Variants in CPD observed in about 807,000 individuals in gnomAD.
CPD encodes the protein carboxypeptidase D.
In CPD, 69 loss-of-function variants were observed where a neutral mutation model predicts 138.3. That is an observed-to-expected ratio of 0.50 (90% CI 0.41 to 0.61). The LOEUF is 0.61. Ranked by LOEUF, CPD falls within the 20% of genes least tolerant of loss-of-function variation. The pLI is 0.00. For missense variants in CPD, 1,432 were observed against 1,733.3 expected, an observed-to-expected ratio of 0.83 and a Z score of 3.09; for synonymous variants, 651 against 642.1, an observed-to-expected ratio of 1.01 and a Z score of -0.21.
rs544051715 is a variant in CPD, at chr17:30,407,776, CTCT to C, written c.995-13064_995-13062del. 6.2e-4 allele frequency among the ~76,000 whole-genome samples: 95 copies of C among 152,294 alleles called. 1 individual carries two copies. The South Asian group carries it at 9.3e-3, about 15-fold the overall frequency. ...TCCCATTCTGTAGGTTGCCTGTTCA[CTCT>C]GATGGTAGTTTCTTTTGCTGTGCAG... On this transcript the variant is annotated intron_variant, in intron 2 of 20. Coordinates refer to ENST00000225719, the MANE Select transcript of CPD (RefSeq NM_001304.5).
intron 7 of CPD, among the ~76,000 whole-genome samples, chr17:30,430,186 G>T (rs1272429553): frequency 6.6e-6 from 1 of 151,972 alleles, no homozygotes; most frequent in African/African-American, 2.4e-5. Context: ...TTCCAGTGGC[G>T]TTTAGTGCAT....
Position 30,456,278 on chromosome 17 carries a change from G to A in CPD, c.3360G>A (p.Lys1120=). ...VQTVENKETL[K]HLASLYANNH... is the part of the protein sequence containing the mutation. ...TAGTGGAAAATAAAGAGACTCTGAAGCATTTGGCATCTCTTTATGCAAATA... is the reference window on the plus strand; with the variant it reads ...TAGTGGAAAATAAAGAGACTCTGAAACATTTGGCATCTCTTTATGCAAATA... The change falls in exon 16 of 21, where the codon AAG becomes AAA. Residue 1120 remains lysine (K), a synonymous_variant. Transcript: ENST00000225719. 3 of 1,613,898 alleles carry A rather than the reference G, an allele frequency of 1.9e-6. No homozygotes were observed. Among genetic ancestry groups the A allele is most frequent in the African/African-American group, 1.3e-5 (1 of 75,038 alleles).
At position 30,379,700 on chromosome 17, in the gene CPD, C is replaced by T. The variant is rs775633869; in HGVS notation, c.720C>T (p.Ala240=). The change falls in exon 1 of 21, where the codon GCC becomes GCT. Residue 240 remains alanine, a synonymous_variant. Coordinates refer to ENST00000225719, the MANE Select transcript of CPD (RefSeq NM_001304.5). The surrounding 1 kb of genome is among the most constrained non-coding windows in gnomAD (Gnocchi z 7.0). Reference sequence around the variant, plus strand: ...TGGACGAGGTGCCCGAGGTGCGCGCCCTCATCGAGTGGATCCGCAGGAACA... The same window carrying T: ...TGGACGAGGTGCCCGAGGTGCGCGCTCTCATCGAGTGGATCCGCAGGAACA... ...PALDEVPEVR[A]LIEWIRRNKF... is the part of the protein sequence containing the mutation. 9 of 1,507,076 alleles carry T rather than the reference C, an allele frequency of 6.0e-6. No homozygotes were observed. The African/African-American group carries it at 1.0e-4, about 17-fold the overall frequency. The allele number at this position is 1,507,076 out of a possible 1,614,324, so 93.4% of individuals were successfully genotyped here.
intron 5 of CPD, among the ~76,000 whole-genome samples, chr17:30,423,272 G>A (rs1367087021): frequency 6.6e-6 from 1 of 152,114 alleles, no homozygotes; most frequent in African/African-American, 2.4e-5. Flanking sequence ...TCTGCTAATA[G>A]TGTTTTATTT....
chr17:30,426,966 A>G (rs1408016813), intron 6 of CPD, among the ~76,000 whole-genome samples: 1 of 152,090 alleles, frequency 6.6e-6, no homozygotes, highest in Non-Finnish European at 1.5e-5. Flanking sequence ...GGGTCACCTG[A>G]TGTCAGGAGT....
chr17:30,430,948 T>C (rs1486602717), intron 7 of CPD, among the ~76,000 whole-genome samples: 1 of 152,176 alleles, frequency 6.6e-6, no homozygotes, highest in African/African-American at 2.4e-5. Flanking sequence ...TGAACTACTG[T>C]ACGCAGCCCC....
At chr17:30,457,840 T>C (rs1913341114) in intron 17 of CPD, among the ~76,000 whole-genome samples, 1 of 152,084 alleles carries the variant, frequency 6.6e-6, no homozygotes, top group Non-Finnish European at 1.5e-5. Context: ...CAATTATTTT[T>C]AATTCTTTGT....
chr17:30,427,097 G>A (rs916641125), intron 6 of CPD, among the ~76,000 whole-genome samples: 1 of 151,644 alleles, frequency 6.6e-6, no homozygotes, highest in African/African-American at 2.4e-5. Flanking sequence ...TGGGAGAATC[G>A]CTTGAACCCG....
chr17:30,387,374 C>T (rs796527885), intron 2 of CPD, among the ~76,000 whole-genome samples: 5 of 152,232 alleles, frequency 3.3e-5, no homozygotes, highest in Admixed American at 6.5e-5. Context: ...CTGTCTCAGC[C>T]TCCCAAAGTG....
At position 30,443,825 on chromosome 17, in the gene CPD, T is replaced by G. The variant is rs1412140414; in HGVS notation, c.2397T>G (p.Phe799Leu). Residue 799 changes from phenylalanine (F) to leucine (L), a missense_variant, in exon 11 of 21, where the codon TTT (phenylalanine) becomes TTG (leucine). By Grantham distance (22) the Phe-to-Leu change is conservative. Around this residue, in one of 6 missense-constraint regions of CPD, gnomAD observed 297 missense variants for 405.3 expected, o/e 0.73. Transcript: ENST00000225719. ...MKQVHQGVRG[F>L]VLDATDGRGI... Reference sequence around the variant, plus strand: ...AGGTTCATCAGGGCGTCAGAGGATTTGTTCTAGATGCCACAGATGGCAGGG... The same window carrying G: ...AGGTTCATCAGGGCGTCAGAGGATTGGTTCTAGATGCCACAGATGGCAGGG... 1 of 1,612,372 alleles carries G rather than the reference T, an allele frequency of 6.2e-7. No individual in the cohort carries two copies. The highest frequency in any genetic ancestry group is 1.3e-5 in the African/African-American group (1 of 74,884).
At chr17:30,383,675 G>T (rs1911109974) in intron 1 of CPD, among the ~76,000 whole-genome samples, 1 of 151,840 alleles carries the variant, frequency 6.6e-6, no homozygotes. Context: ...GATCTTCTCT[G>T]GGATAATACT....
chr17:30,391,778 A>G (rs1429930397), intron 2 of CPD, among the ~76,000 whole-genome samples: 3 of 152,166 alleles, frequency 2.0e-5, no homozygotes, highest in Non-Finnish European at 2.9e-5. Flanking sequence ...TAGGAGGCTC[A>G]AGTGAGAATG....
intron 2 of CPD, among the ~76,000 whole-genome samples, chr17:30,394,232 A>G (rs1455730538): frequency 6.8e-6 from 1 of 146,256 alleles, no homozygotes; most frequent in African/African-American, 2.6e-5. Context: ...ACTTCTTAGC[A>G]TGGGAGCGAA....
chr17:30,464,822 A>G lies in CPD; in HGVS notation c.*8A>G, dbSNP rs991977527. ...TATTCTAGCAAACATTGAAAAACACATTTTGCATATCTCCCAGCATAAGTA... is the reference window on the plus strand; with the variant it reads ...TATTCTAGCAAACATTGAAAAACACGTTTTGCATATCTCCCAGCATAAGTA... On this transcript the variant is annotated 3_prime_UTR_variant, in exon 21 of 21. Transcript: ENST00000225719. 3 of 1,606,468 alleles carry G rather than the reference A, an allele frequency of 1.9e-6. No individual in the cohort carries two copies. The highest frequency in any genetic ancestry group is 2.6e-6 in the Non-Finnish European group (3 of 1,173,742).
At chr17:30,420,790 G>T in intron 2 of CPD, 51 bp from the exon 3 acceptor site, 1 of 1,509,780 alleles carries the variant, frequency 6.6e-7, no homozygotes, top group Non-Finnish European at 9.1e-7. Flanking sequence ...GTCTTTTGGA[G>T]GGTAGAATTA....
chr17:30,443,515 C>A (rs1356427505), intron 10 of CPD, among the ~76,000 whole-genome samples: 1 of 151,920 alleles, frequency 6.6e-6, no homozygotes, highest in Non-Finnish European at 1.5e-5. Context: ...TTGAAAAGGC[C>A]AGGTCTGTTT....
At chr17:30,403,622 A>G (rs1911732629) in intron 2 of CPD, among the ~76,000 whole-genome samples, 1 of 152,242 alleles carries the variant, frequency 6.6e-6, no homozygotes. Context: ...TTAAAATTTA[A>G]GAGACTTTCC....
At position 30,464,039 on chromosome 17, in the gene CPD, C is replaced by G. The variant is rs192506736; in HGVS notation, c.3917-549C>G. Reference sequence around the variant, plus strand: ...AAAAAGCAGGTTGCAGAACAGTAGACACAGTATAATTTCATTATGGTAAAA... The same window carrying G: ...AAAAAGCAGGTTGCAGAACAGTAGAGACAGTATAATTTCATTATGGTAAAA... On this transcript the variant is annotated intron_variant, in intron 20 of 20. Transcript: ENST00000225719. Among the ~76,000 whole-genome samples, 431 of 152,130 alleles carry G rather than the reference C, an allele frequency of 2.8e-3. 6 individuals carry two copies. Among genetic ancestry groups the G allele is most frequent in the Non-Finnish European group, 7.2e-4 (49 of 67,998 alleles).
chr17:30,428,855 G>C (rs559299382), intron 7 of CPD, among the ~76,000 whole-genome samples: 2 of 149,750 alleles, frequency 1.3e-5, no homozygotes, highest in Non-Finnish European at 3.0e-5. Flanking sequence ...GAATTGCATG[G>C]TATTTGAATT....
Sources: gnomAD v4.1 joint callset for allele counts (sites outside exome capture counted in the v4.1 genomes callset) on GRCh38, gnomAD v4.1.1 for gene constraint, gnomAD v4.1.1 regional missense constraint, Gnocchi (gnomAD v3.1) non-coding constraint, MANE v1.5 for transcripts, NCBI Gene and HGNC (gene_info 2026-07-23, HGNC 2026-07-21) for gene names.